Variants in LAMC1 observed in about 807,000 individuals in gnomAD.
The protein encoded by LAMC1 is laminin subunit gamma-1.
LAMC1 carries 38 observed loss-of-function variants against 173.6 expected under a neutral mutation model. The ratio of observed to expected loss-of-function variants is 0.22; its 90% CI spans 0.17 to 0.29. The LOEUF (loss-of-function observed/expected upper bound fraction) is 0.29. Among genes scored for constraint, LAMC1 ranks in the 10% least tolerant of loss-of-function variants. The probability of loss-of-function intolerance (pLI) is 1.00; values close to 1 mark genes in which losing one functional copy is unlikely to be tolerated. For synonymous variants in LAMC1, 746 were observed against 749.1 expected, an observed-to-expected ratio of 1.00 and a Z score of 0.07; for missense variants, 1,824 against 2,051.8, an observed-to-expected ratio of 0.89 and a Z score of 2.14.
intron 4 of LAMC1, 139 bp downstream of exon 4, chr1:183,110,793 C>A: frequency 1.1e-6 from 1 of 872,272 alleles, no homozygotes; most frequent in Non-Finnish European, 1.8e-6. Flanking sequence ...GAGTAGTATT[C>A]AAGTCAGAGG....
In LAMC1 at chr1:183,117,400, G is replaced by A. The variant is rs759576099; in HGVS notation, c.1645G>A (p.Val549Met). ...EWSSERQDIAVISDSYFPRYF... is the reference protein window; with the variant it reads ...EWSSERQDIAMISDSYFPRYF... ...GTCCTCTGAGAGGCAAGATATCGCCGTGATCTCAGACAGCTACTTTCCTCG... is the reference window on the plus strand; with the variant it reads ...GTCCTCTGAGAGGCAAGATATCGCCATGATCTCAGACAGCTACTTTCCTCG... The change falls in exon 9 of 28, where the codon GTG becomes ATG. Residue 549 changes from valine (V) to methionine (M), a missense_variant. Physicochemically the swap from Val to Met is conservative, Grantham distance 21. Coordinates refer to ENST00000258341, the MANE Select transcript of LAMC1 (RefSeq NM_002293.4). The A allele has an allele frequency of 8.1e-6, 13 of 1,613,728 alleles. No homozygotes were observed. Among genetic ancestry groups the A allele is most frequent in the Admixed American group, 5.0e-5 (3 of 60,004 alleles).
chr1:183,038,346 C>T (rs961937892), intron 1 of LAMC1, among the ~76,000 whole-genome samples: 3 of 152,158 alleles, frequency 2.0e-5, no homozygotes, highest in Non-Finnish European at 4.4e-5. Flanking sequence ...TTTTTAAATG[C>T]CCTTGCTCAG....
intron 1 of LAMC1, among the ~76,000 whole-genome samples, chr1:183,034,110 G>A (rs1653912981): frequency 6.6e-6 from 1 of 152,208 alleles, no homozygotes; most frequent in Admixed American, 6.5e-5. Flanking sequence ...AAGGACTTAT[G>A]TAAATAAGAC....
chr1:183,026,557 C>A (rs909339636), intron 1 of LAMC1, among the ~76,000 whole-genome samples: 6 of 152,224 alleles, frequency 3.9e-5, no homozygotes, highest in African/African-American at 1.4e-4. Context: ...CTGTAGCTAA[C>A]TAATTATTTC....
chr1:183,142,223 G>A (rs563363150), intron 27 of LAMC1, among the ~76,000 whole-genome samples: 1 of 152,310 alleles, frequency 6.6e-6, no homozygotes, highest in East Asian at 1.9e-4. Flanking sequence ...TTATCAGATG[G>A]CCCTCAAAGG....
chr1:183,128,866 A>G lies in LAMC1; in HGVS notation c.3280+116A>G, dbSNP rs10797851. 400,010 of 719,136 alleles carry G rather than the reference A, an allele frequency of 0.56. 113,460 individuals carry two copies. The highest frequency in any genetic ancestry group is 0.65 in the South Asian group (12,402 of 19,108). 44.5% of individuals were successfully genotyped at this position (719,136 alleles called of 1,614,324 possible). On this transcript the variant is annotated intron_variant, in intron 18 of 27. Transcript: ENST00000258341. ...TTCTTTCTCAGTTTTTAAACTACTC[A>G]TAGATTATAAATCATTTCATTTTTT...
chr1:183,068,632 T>C (rs1307425495), intron 1 of LAMC1, among the ~76,000 whole-genome samples: 1 of 152,122 alleles, frequency 6.6e-6, no homozygotes, highest in African/African-American at 2.4e-5. Flanking sequence ...TTCATGACTT[T>C]TTTAGGTTTT....
intron 1 of LAMC1, among the ~76,000 whole-genome samples, chr1:183,093,512 C>T (rs1323874656): frequency 6.6e-6 from 1 of 152,148 alleles, no homozygotes; most frequent in Non-Finnish European, 1.5e-5. Context: ...TGTCCCGAGA[C>T]CCAGTCTGTG....
chr1:183,056,170 G>A (rs1010314811), intron 1 of LAMC1, among the ~76,000 whole-genome samples: 1 of 152,206 alleles, frequency 6.6e-6, no homozygotes, highest in African/African-American at 2.4e-5. Flanking sequence ...GGCCAGCCAT[G>A]CTTCAGCTGC....
intron 1 of LAMC1, among the ~76,000 whole-genome samples, chr1:183,046,429 A>C (rs866215545): frequency 6.6e-6 from 1 of 151,472 alleles, no homozygotes; most frequent in Non-Finnish European, 1.5e-5. Flanking sequence ...TTGAATTGAC[A>C]TCTTTATTAT....
chr1:183,050,103 A>G (rs1378004363), intron 1 of LAMC1, among the ~76,000 whole-genome samples: 1 of 152,024 alleles, frequency 6.6e-6, no homozygotes, highest in Non-Finnish European at 1.5e-5. Flanking sequence ...GGTGTTGGTT[A>G]TATTGTGTAC....
intron 1 of LAMC1, among the ~76,000 whole-genome samples, chr1:183,030,187 A>G (rs969831702): frequency 3.1e-4 from 47 of 152,212 alleles, no homozygotes; most frequent in African/African-American, 9.6e-4. Flanking sequence ...CTGTTTTTGC[A>G]CAATAAGGGC....
At position 183,117,417 on chromosome 1, in the gene LAMC1, C is replaced by T; in HGVS notation, c.1662C>T (p.Tyr554=). The T allele has an allele frequency of 3.7e-6, 6 of 1,613,842 alleles. No homozygotes were observed. The highest frequency in any genetic ancestry group is 4.2e-6 in the Non-Finnish European group (5 of 1,179,730). Residue 554 remains tyrosine (Y), a synonymous_variant, in exon 9 of 28, where the codon TAC becomes TAT. Coordinates refer to ENST00000258341, the MANE Select transcript of LAMC1 (RefSeq NM_002293.4). ...ATATCGCCGTGATCTCAGACAGCTA[C>T]TTTCCTCGGTACTTCATTGCTCCTG... ...RQDIAVISDS[Y]FPRYFIAPAK...
intron 26 of LAMC1, among the ~76,000 whole-genome samples, chr1:183,139,406 A>G (rs903382216): frequency 2.0e-5 from 3 of 152,180 alleles, no homozygotes; most frequent in Admixed American, 6.5e-5. Flanking sequence ...GAGGCTGGAG[A>G]CCACAGGTTA....
intron 11 of LAMC1, among the ~76,000 whole-genome samples, chr1:183,119,130 C>G (rs1390186191): frequency 1.3e-5 from 2 of 152,100 alleles, no homozygotes; most frequent in African/African-American, 4.8e-5. Context: ...CTCCTGACCT[C>G]AGGTGATCCC....
In LAMC1 at chr1:183,130,528, A is replaced by C. The variant is rs747644258; in HGVS notation, c.3465A>C (p.Ala1155=). 4 of 1,614,106 alleles carry C rather than the reference A, an allele frequency of 2.5e-6. No homozygotes were observed. Among genetic ancestry groups the C allele is most frequent in the East Asian group, 2.2e-5 (1 of 44,904 alleles). The change falls in exon 19 of 28, where the codon GCA becomes GCC. Residue 1155 remains alanine, a synonymous_variant. Coordinates refer to ENST00000258341, the MANE Select transcript of LAMC1 (RefSeq NM_002293.4). ...IEIASRELEK[A]KVAAANVSVT... ...TCGCATCCAGAGAACTTGAGAAAGC[A>C]AAAGTCGCTGCTGCCAATGTGGTAA...
chr1:183,040,075 C>T (rs1021634903), intron 1 of LAMC1, among the ~76,000 whole-genome samples: 2 of 152,174 alleles, frequency 1.3e-5, no homozygotes, highest in African/African-American at 4.8e-5. Context: ...GACTTCTTCA[C>T]ATCTCTAGTG....
chr1:183,067,351 C>T (rs139836017), intron 1 of LAMC1, among the ~76,000 whole-genome samples: 4 of 152,186 alleles, frequency 2.6e-5, no homozygotes, highest in East Asian at 3.9e-4. Context: ...TTTAATAAAA[C>T]GATGAGTGTG....
intron 25 of LAMC1, 68 bp from the exon 26 acceptor site, chr1:183,137,601 G>T (rs538421312): frequency 2.2e-6 from 2 of 892,436 alleles, no homozygotes; most frequent in East Asian, 2.9e-5. Context: ...AATTATAAAA[G>T]GAGCGGGAGC....
Sources: gnomAD v4.1 joint callset for allele counts (sites outside exome capture counted in the v4.1 genomes callset) on GRCh38, gnomAD v4.1.1 for gene constraint, MANE v1.5 for transcripts, NCBI Gene and HGNC (gene_info 2026-07-23, HGNC 2026-07-21) for gene names.